Variants in ARL13B observed in about 807,000 individuals in gnomAD.
ARL13B encodes ARF like GTPase 13B.
ARL13B carries 36 observed loss-of-function variants against 56.1 expected under a neutral mutation model. The ratio of observed to expected loss-of-function variants is 0.64; its 90% confidence interval spans 0.49 to 0.85. The LOEUF (loss-of-function observed/expected upper bound fraction) is 0.85, where lower values mean the gene tolerates loss of function less well. ARL13B is among the 40% of genes least tolerant of loss of function. The pLI, the probability that ARL13B is intolerant of heterozygous loss-of-function variation, is 0.00. For missense variants in ARL13B, 519 were observed against 507.1 expected (o/e 1.02, Z -0.23); for synonymous variants, 178 against 171.1 (o/e 1.04, Z -0.32).
At chr3:94,020,947 T>G (rs981016020) in intron 3 of ARL13B, among the ~76,000 whole-genome samples, 1 of 152,040 alleles carries the variant, frequency 6.6e-6, no homozygotes, top group African/African-American at 2.4e-5. Flanking sequence ...TCTGCATATT[T>G]TTATTGTCTA....
At position 94,036,867 on chromosome 3, in the gene ARL13B, A is replaced by G. The variant is rs2076778214; in HGVS notation, c.689+113A>G. 2.5e-6 allele frequency: 3 copies of G among 1,219,504 alleles called. No homozygotes were observed. The Admixed American group carries it at 6.8e-5, about 28-fold the overall frequency. 75.5% of individuals were successfully genotyped at this position (1,219,504 alleles called of 1,614,324 possible). On this transcript the variant is annotated intron_variant, in intron 5 of 9. Transcript: ENST00000394222. ...GTTTCTTCTTTCTGTGTGAAGGAAG[A>G]CACTAGGTAAATTTTGTATTTCTGT...
At chr3:94,045,021 G>T (rs1014567858) in intron 7 of ARL13B, among the ~76,000 whole-genome samples, 6 of 152,196 alleles carry the variant, frequency 3.9e-5, no homozygotes, top group African/African-American at 1.4e-4. Context: ...GAAATGTGGG[G>T]AAAAGAAAGA....
At chr3:93,993,460 G>T (rs2075912205) in intron 1 of ARL13B, among the ~76,000 whole-genome samples, 1 of 152,062 alleles carries the variant, frequency 6.6e-6, no homozygotes, top group African/African-American at 2.4e-5. Context: ...TTACTGTGTT[G>T]CCCAGGCTTC....
intron 6 of ARL13B, among the ~76,000 whole-genome samples, chr3:94,040,277 T>C (rs2076840151): frequency 6.6e-6 from 1 of 152,226 alleles, no homozygotes; most frequent in Non-Finnish European, 1.5e-5. Flanking sequence ...AAATCTATTC[T>C]GTCATTTATT....
chr3:94,023,602 C>T (rs1188764247), intron 3 of ARL13B, among the ~76,000 whole-genome samples: 1 of 151,976 alleles, frequency 6.6e-6, no homozygotes, highest in African/African-American at 2.4e-5. Flanking sequence ...CCAAGAAAAG[C>T]AACGTCCAAA....
At chr3:94,036,964 C>T (rs775058875) in intron 5 of ARL13B, among the ~76,000 whole-genome samples, 12 of 152,128 alleles carry the variant, frequency 7.9e-5, no homozygotes, top group Non-Finnish European at 1.8e-4. Flanking sequence ...GTTAAATTTA[C>T]TCCTTACGTA....
At chr3:94,032,083 A>C (rs934365555) in intron 3 of ARL13B, among the ~76,000 whole-genome samples, 1 of 152,204 alleles carries the variant, frequency 6.6e-6, no homozygotes, top group South Asian at 2.1e-4. Flanking sequence ...TTAATTATTA[A>C]GTAAAAACTT....
chr3:93,981,510 A>G (rs947170244), intron 1 of ARL13B, among the ~76,000 whole-genome samples: 3 of 152,204 alleles, frequency 2.0e-5, no homozygotes, highest in Non-Finnish European at 4.4e-5. Flanking sequence ...ACTTTAAATG[A>G]AACTAGAGAT....
intron 3 of ARL13B, among the ~76,000 whole-genome samples, chr3:94,031,440 G>A (rs2076676020): frequency 6.6e-6 from 1 of 152,088 alleles, no homozygotes; most frequent in South Asian, 2.1e-4. Flanking sequence ...TTGGGGAAAT[G>A]GATGATTGCA....
rs1209779299 is a variant in ARL13B at position 94,054,046 on chromosome 3, A to G, written c.*783A>G. 8 of 437,362 alleles carry G rather than the reference A, an allele frequency of 1.8e-5. No homozygotes were observed. The highest frequency in any genetic ancestry group is 3.2e-5 in the Non-Finnish European group (7 of 220,036). 27.1% of individuals were successfully genotyped at this position (437,362 alleles called of 1,614,324 possible). A position where few individuals can be genotyped will look rare whatever the true frequency, so the allele number is the denominator to read the frequency against. The stretch of plus-strand genomic sequence containing the variant: ...AAATGTTTTTTAAATTAATCAAAAT[A>G]CATTCTGTGAGATACTATTAAAAGT... On this transcript the variant is annotated 3_prime_UTR_variant, in exon 10 of 10. Transcript: ENST00000394222.
chr3:93,995,782 T>C (rs1480142461), intron 1 of ARL13B, 92 bp from the exon 2 acceptor site: 1 of 1,191,066 alleles, frequency 8.4e-7, no homozygotes, highest in East Asian at 2.6e-5. Context: ...TAGGTGCTCC[T>C]TAAATGTTGA....
intron 1 of ARL13B, chr3:93,988,808 G>T (rs1710592957): frequency 2.0e-5 from 8 of 393,044 alleles, no homozygotes; most frequent in Middle Eastern, 1.5e-3. Flanking sequence ...TTTTTAATCT[G>T]AAGATTTAGC....
chr3:94,007,382 A>C (rs553986094), intron 3 of ARL13B, among the ~76,000 whole-genome samples: 1 of 152,172 alleles, frequency 6.6e-6, no homozygotes. Context: ...GCCTGACAGC[A>C]TGTTGTGATG....
chr3:93,991,947 T>C (rs920131671), intron 1 of ARL13B, among the ~76,000 whole-genome samples: 6 of 152,348 alleles, frequency 3.9e-5, no homozygotes, highest in African/African-American at 1.2e-4. Context: ...GACATAGTCT[T>C]AAACATTAAC....
chr3:93,986,830 C>T (rs1348976100), intron 1 of ARL13B, among the ~76,000 whole-genome samples: 2 of 152,094 alleles, frequency 1.3e-5, no homozygotes, highest in East Asian at 3.9e-4. Context: ...ATTAGCCAGG[C>T]ATGGTGGCAG....
chr3:93,987,688 G>T (rs1710535117), intron 1 of ARL13B, among the ~76,000 whole-genome samples: 1 of 151,986 alleles, frequency 6.6e-6, no homozygotes, highest in African/African-American at 2.4e-5. Flanking sequence ...TCTCTCTATT[G>T]CCTAGGCTGG....
chr3:94,002,632 T>C (rs1015109699), intron 2 of ARL13B, among the ~76,000 whole-genome samples: 4 of 152,194 alleles, frequency 2.6e-5, no homozygotes, highest in Non-Finnish European at 5.9e-5. Context: ...ATGAGTTCTC[T>C]TTTCTATTCC....
At position 94,054,812 on chromosome 3, in the gene ARL13B, T is replaced by C; in HGVS notation, c.*1549T>C. The C allele has an allele frequency of 2.6e-6, 1 of 381,326 alleles. No homozygotes were observed. The highest frequency in any genetic ancestry group is 5.2e-6 in the Non-Finnish European group (1 of 193,924). 23.6% of individuals were successfully genotyped at this position (381,326 alleles called of 1,614,324 possible). A position where few individuals can be genotyped will look rare whatever the true frequency, so the allele number is the denominator to read the frequency against. ...AAGCATTTGATTTCAGATCTAAAAT[T>C]CGTAACAACCTAAATTTGAGAGGTG... On this transcript the variant is annotated 3_prime_UTR_variant, in exon 10 of 10. Coordinates refer to ENST00000394222, the MANE Select transcript of ARL13B (RefSeq NM_001174150.2).
chr3:94,029,588 G>T (rs2076638583), intron 3 of ARL13B, among the ~76,000 whole-genome samples: 1 of 151,516 alleles, frequency 6.6e-6, no homozygotes, highest in South Asian at 2.1e-4. Context: ...TGATCCACCT[G>T]CCTCAGCCTC....
Sources: gnomAD v4.1 joint callset for allele counts (sites outside exome capture counted in the v4.1 genomes callset) on GRCh38, gnomAD v4.1.1 for gene constraint, MANE v1.5 for transcripts, NCBI Gene and HGNC (gene_info 2026-07-23, HGNC 2026-07-21) for gene names.